SANBR: variants seen among roughly 807,000 people sequenced by gnomAD.
SANBR encodes the protein SANT and BTB domain regulator of class switch recombination.
In SANBR, 77 loss-of-function variants were observed where a neutral mutation model predicts 101.8. The ratio of observed to expected loss-of-function variants is 0.76; its 90% CI spans 0.63 to 0.91. The LOEUF (loss-of-function observed/expected upper bound fraction) is 0.91, where lower values mean the gene tolerates loss of function less well. SANBR is among the 40% of genes least tolerant of loss of function. The pLI, the probability that SANBR is intolerant of heterozygous loss-of-function variation, is 0.00. For missense variants in SANBR, 875 were observed against 853.0 expected (o/e 1.03, Z -0.32); for synonymous variants, 279 against 274.7 (o/e 1.02, Z -0.15).
At chr2:61,094,466 A>G (rs1682928439) in intron 11 of SANBR, among the ~76,000 whole-genome samples, 1 of 152,008 alleles carries the variant, frequency 6.6e-6, no homozygotes, top group Admixed American at 6.6e-5. Flanking sequence ...GTTCTTTTTT[A>G]TGGCTAAGTA....
intron 20 of SANBR, among the ~76,000 whole-genome samples, chr2:61,118,322 A>G (rs1216057351): frequency 1.1e-4 from 16 of 152,078 alleles, no homozygotes; most frequent in Admixed American, 6.6e-5. Flanking sequence ...GCTCACTGCA[A>G]CCTTCGCCTC....
At chr2:61,112,594 A>G (rs749256748) in intron 16 of SANBR, among the ~76,000 whole-genome samples, 1 of 151,594 alleles carries the variant, frequency 6.6e-6, no homozygotes, top group Non-Finnish European at 1.5e-5. Flanking sequence ...CCTGGGTTCC[A>G]GCGATTCTTC....
At chr2:61,112,325 A>G (rs1479017152) in intron 16 of SANBR, among the ~76,000 whole-genome samples, 1 of 152,174 alleles carries the variant, frequency 6.6e-6, no homozygotes, top group South Asian at 2.1e-4. Flanking sequence ...GACCATTTAT[A>G]TATCTTTTTT....
At chr2:61,096,869 A>G (rs1007036083) in intron 11 of SANBR, among the ~76,000 whole-genome samples, 5 of 152,160 alleles carry the variant, frequency 3.3e-5, no homozygotes, top group African/African-American at 1.2e-4. Context: ...AAATGCATCA[A>G]GGGGCCAGGC....
chr2:61,130,664 A>G (rs1023228544), intron 20 of SANBR, among the ~76,000 whole-genome samples: 6 of 151,926 alleles, frequency 3.9e-5, no homozygotes, highest in Non-Finnish European at 7.4e-5. Context: ...AAGTTTCACA[A>G]TCAGCTGGGC....
chr2:61,067,412 A>G (rs550118478), intron 1 of SANBR, among the ~76,000 whole-genome samples: 5 of 152,234 alleles, frequency 3.3e-5, no homozygotes, highest in African/African-American at 1.2e-4. Flanking sequence ...TCCATTTTAG[A>G]TTGCTTTCTA....
At chr2:61,072,434 T>A (rs1363890674) in intron 4 of SANBR, among the ~76,000 whole-genome samples, 2 of 151,962 alleles carry the variant, frequency 1.3e-5, no homozygotes, top group Admixed American at 6.6e-5. Context: ...AAAAATTAGC[T>A]TGGTGGATGG....
Position 61,092,615 on chromosome 2 carries a change from C to G in SANBR, c.1212+28C>G, listed in dbSNP as rs759985528. The G allele has an allele frequency of 7.2e-6, 11 of 1,529,152 alleles. No individual in the cohort carries two copies. In the South Asian group the frequency reaches 1.4e-4, roughly 20 times the overall value. The allele number at this position is 1,529,152 out of a possible 1,614,324, so 94.7% of individuals were successfully genotyped here. On this transcript the variant is annotated intron_variant, in intron 11 of 21. Transcript: ENST00000402291. ...AAGATTTTTTTTTTTAAATATCCTG[C>G]TCTGCAAATATTGAGAGCAAGATTA...
chr2:61,134,642 C>A (rs1684790585), intron 21 of SANBR, among the ~76,000 whole-genome samples: 1 of 152,220 alleles, frequency 6.6e-6, no homozygotes, highest in Non-Finnish European at 1.5e-5. Flanking sequence ...CGCCTGTAGT[C>A]CCAGCATTTT....
intron 16 of SANBR, among the ~76,000 whole-genome samples, chr2:61,109,784 T>C (rs555339686): frequency 6.7e-6 from 1 of 148,290 alleles, no homozygotes; most frequent in Non-Finnish European, 1.5e-5. Context: ...TTCTCCTGCC[T>C]CAGTCTCCTG....
chr2:61,127,448 T>C (rs1684546241), downstream of SANBR, among the ~76,000 whole-genome samples: 1 of 152,188 alleles, frequency 6.6e-6, no homozygotes, highest in Non-Finnish European at 1.5e-5. Context: ...CTGGGTAGCT[T>C]CAAGTTCTGA....
In SANBR at chr2:61,073,655, T is replaced by C. The variant is rs568119181; in HGVS notation, c.431+104T>C. The stretch of plus-strand genomic sequence containing the variant: ...AGGTAGGAATTTCATATTGCATAAT[T>C]GCTGAAACTACTGGAATCAGCTTAG... On this transcript the variant is annotated intron_variant, in intron 5 of 21. Coordinates refer to ENST00000402291, the MANE Select transcript of SANBR (RefSeq NM_001129993.3). The C allele has an allele frequency of 5.0e-5, 29 of 581,610 alleles. No individual in the cohort carries two copies. In the African/African-American group the frequency reaches 5.3e-4, roughly 11 times the overall value. 36.0% of individuals were successfully genotyped at this position (581,610 alleles called of 1,614,324 possible). A position where few individuals can be genotyped will look rare whatever the true frequency, so the allele number is the denominator to read the frequency against.
chr2:61,085,696 A>G (rs1415385491), intron 8 of SANBR, among the ~76,000 whole-genome samples: 6 of 152,012 alleles, frequency 3.9e-5, no homozygotes, highest in Middle Eastern at 3.2e-3. Flanking sequence ...TTTTTAGTAG[A>G]GACGGGGTTT....
chr2:61,092,249 T>C (rs1299646942), intron 10 of SANBR, among the ~76,000 whole-genome samples: 1 of 152,238 alleles, frequency 6.6e-6, no homozygotes, highest in African/African-American at 2.4e-5. Flanking sequence ...CTGGGTGTGG[T>C]GGCACACGCC....
intron 21 of SANBR, among the ~76,000 whole-genome samples, chr2:61,134,848 C>T (rs1468077955): frequency 2.6e-5 from 4 of 151,748 alleles, no homozygotes; most frequent in East Asian, 1.9e-4. Flanking sequence ...GAGCTGAGAT[C>T]GCGCCACTGC....
At chr2:61,109,051 A>G (rs970852511) in intron 15 of SANBR, 146 bp from the exon 16 acceptor site, 6 of 414,466 alleles carry the variant, frequency 1.4e-5, no homozygotes, top group Non-Finnish European at 1.7e-5. Flanking sequence ...TCTTATGTCT[A>G]TTTCCTGGAT....
rs1310082290 is a variant in SANBR, at chr2:61,131,384, TATTTC to T, written c.2029-2752_2029-2748del. Among the ~76,000 whole-genome samples the T allele has an allele frequency of 2.6e-5, 4 of 152,316 alleles. No homozygotes were observed. In the East Asian group the frequency reaches 7.7e-4, roughly 29 times the overall value. ...TAGGATCAATATGAAGAAATCAACT[TATTTC>T]TATATAGTAGCAATGAAAAATCTAA... On this transcript the variant is annotated intron_variant, in intron 20 of 21. Transcript: ENST00000295031.
chr2:61,107,473 C>T (rs1403862387), intron 14 of SANBR, among the ~76,000 whole-genome samples: 1 of 152,110 alleles, frequency 6.6e-6, no homozygotes, highest in African/African-American at 2.4e-5. Context: ...CCTTTTTATT[C>T]CTTTGCCTTT....
chr2:61,089,376 G>A, intron 10 of SANBR: 1 of 158,684 alleles, frequency 6.3e-6, no homozygotes, highest in Non-Finnish European at 1.4e-5. Flanking sequence ...CATGGTGGTG[G>A]GTGCCTGTAG....
Sources: gnomAD v4.1 joint callset for allele counts (sites outside exome capture counted in the v4.1 genomes callset) on GRCh38, gnomAD v4.1.1 for gene constraint, MANE v1.5 for transcripts, NCBI Gene and HGNC (gene_info 2026-07-23, HGNC 2026-07-21) for gene names.